The following ZC3H12D variants were observed in gnomAD, a reference collection of about 807,000 sequenced individuals.
ZC3H12D encodes probable ribonuclease ZC3H12D.
Under a neutral mutation model 24.2 loss-of-function variants are expected in ZC3H12D, and 11 were observed. That is an observed-to-expected ratio of 0.46 (90% CI 0.29 to 0.75). The LOEUF is 0.75. Among genes scored for constraint, ZC3H12D ranks in the 30% least tolerant of loss-of-function variants. ZC3H12D has a pLI of 0.11. For missense variants in ZC3H12D, 740 were observed against 767.7 expected (o/e 0.96, Z 0.43); for synonymous variants, 333 against 341.8 (o/e 0.97, Z 0.28).
At chr6:149,459,394 G>A (rs559128177) in intron 3 of ZC3H12D, 1 of 563,304 alleles carries the variant, frequency 1.8e-6, no homozygotes, top group Admixed American at 3.3e-5. Context: ...CATGTTAAAA[G>A]TAGGTTTGGG....
intron 2 of ZC3H12D, among the ~76,000 whole-genome samples, chr6:149,463,569 C>T (rs964453820): frequency 6.6e-6 from 1 of 152,162 alleles, no homozygotes; most frequent in African/African-American, 2.4e-5. Context: ...ATTAGCCAGG[C>T]GTGGTGGCGC....
At position 149,474,631 on chromosome 6, in the gene ZC3H12D, G is replaced by A. The variant is rs1776303183; in HGVS notation, c.-70-18C>T. 1 of 1,250,236 alleles carries A rather than the reference G, an allele frequency of 8.0e-7. No individual in the cohort carries two copies. The highest frequency in any genetic ancestry group is 1.0e-6 in the Non-Finnish European group (1 of 955,330). 77.4% of individuals were successfully genotyped at this position (1,250,236 alleles called of 1,614,324 possible). On this transcript the variant is annotated intron_variant, in intron 1 of 5. Transcript: ENST00000409806. ...GACATGAGCTAAAGAGAAAAAAAATGCATCCATCAGGTGTTTCCTGGGCAG... is the reference window on the plus strand; with the variant it reads ...GACATGAGCTAAAGAGAAAAAAAATACATCCATCAGGTGTTTCCTGGGCAG...
At chr6:149,469,810 G>C (rs1004773500) in intron 2 of ZC3H12D, among the ~76,000 whole-genome samples, 1 of 152,208 alleles carries the variant, frequency 6.6e-6, no homozygotes, top group African/African-American at 2.4e-5. Flanking sequence ...CCTGTGAAGG[G>C]AGTGGGGCCT....
intron 2 of ZC3H12D, among the ~76,000 whole-genome samples, chr6:149,462,343 C>G (rs897212188): frequency 6.6e-6 from 1 of 152,030 alleles, no homozygotes; most frequent in African/African-American, 2.4e-5. Context: ...CACTGCACTC[C>G]GGCCTGGGCA....
intron 3 of ZC3H12D, 112 bp from the exon 4 acceptor site, chr6:149,457,012 G>A (rs1187186924): frequency 7.5e-6 from 8 of 1,061,474 alleles, no homozygotes; most frequent in East Asian, 2.6e-5. Flanking sequence ...GGTTTTGAGG[G>A]GAGCGGGGAA....
intron 1 of ZC3H12D, among the ~76,000 whole-genome samples, chr6:149,475,512 T>C (rs754259971): frequency 1.3e-4 from 20 of 151,874 alleles, no homozygotes; most frequent in Non-Finnish European, 1.9e-4. Flanking sequence ...GGTCAGGAGA[T>C]AGAGACCAGC....
chr6:149,458,946 A>G (rs1299977602), intron 3 of ZC3H12D, among the ~76,000 whole-genome samples: 1 of 152,008 alleles, frequency 6.6e-6, no homozygotes, highest in Admixed American at 6.6e-5. Context: ...CTGTTGATTC[A>G]TTGTCTTTGT....
chr6:149,471,202 C>G (rs180988867), intron 2 of ZC3H12D, among the ~76,000 whole-genome samples: 2 of 152,362 alleles, frequency 1.3e-5, no homozygotes, highest in Non-Finnish European at 2.9e-5. Flanking sequence ...GCCAGGTCTT[C>G]TGGGTTCAGC....
chr6:149,478,071 GC>G (rs1372494319), intron 1 of ZC3H12D, among the ~76,000 whole-genome samples: 1 of 151,242 alleles, frequency 6.6e-6, no homozygotes, highest in African/African-American at 2.4e-5. Flanking sequence ...GGAGGCTGAG[GC>G]AGGAGAATCG....
intron 2 of ZC3H12D, among the ~76,000 whole-genome samples, chr6:149,468,048 C>T (rs1776188445): frequency 6.6e-6 from 1 of 152,180 alleles, no homozygotes; most frequent in Admixed American, 6.5e-5. Flanking sequence ...ATGGCGCAAT[C>T]TCAGCTCACC....
At position 149,456,627 on chromosome 6, in the gene ZC3H12D, C is replaced by CCCCCCCCCCCCCGGTGT; in HGVS notation, c.680+38_680+39insACACCGGGGGGGGGGGG. The CCCCCCCCCCCCCGGTGT allele has an allele frequency of 7.1e-7, 1 of 1,403,090 alleles. No individual in the cohort carries two copies. 86.9% of individuals were successfully genotyped at this position (1,403,090 alleles called of 1,614,324 possible). A position where few individuals can be genotyped will look rare whatever the true frequency, so the allele number is the denominator to read the frequency against. On this transcript the variant is annotated intron_variant, in intron 4 of 5. Coordinates refer to ENST00000409806, the MANE Select transcript of ZC3H12D (RefSeq NM_207360.3). This position sits in a 1 kb window ranked among gnomAD's most constrained non-coding sequence, Gnocchi z 4.3. Reference sequence around the variant, plus strand: ...CTGCCTCGACCCCGGCCCCCCGCCCCGCCGCCCCCCAGGGTGTCAGGACCC... The same window carrying CCCCCCCCCCCCCGGTGT: ...CTGCCTCGACCCCGGCCCCCCGCCCCCCCCCCCCCCCCGGTGTGCCGCCCCCCAGGGTGTCAGGACCC...
At chr6:149,474,192 C>T (rs780668407) in intron 2 of ZC3H12D, 47 bp downstream of exon 2, 25 of 1,419,014 alleles carry the variant, frequency 1.8e-5, no homozygotes, top group Middle Eastern at 2.0e-4. Flanking sequence ...AGGGCTCCTG[C>T]GAACAGGGGC....
At chr6:149,474,822 C>T (rs927501149) in intron 1 of ZC3H12D, among the ~76,000 whole-genome samples, 1 of 152,202 alleles carries the variant, frequency 6.6e-6, no homozygotes, top group African/African-American at 2.4e-5. Flanking sequence ...GGCCTTCACC[C>T]CACACTGCCC....
chr6:149,451,097 G>T lies in ZC3H12D; in HGVS notation c.1170C>A (p.Ser390Arg). The change falls in exon 6 of 6, where the codon AGC becomes AGA. Residue 390 changes from serine to arginine, a missense_variant. Coordinates refer to ENST00000409806, the MANE Select transcript of ZC3H12D (RefSeq NM_207360.3). Reference protein sequence around the residue: ...SAGGRVPGPLSLPSPESQFSP... With the variant: ...SAGGRVPGPLRLPSPESQFSP... Reference sequence around the variant, plus strand: ...AGAACTGGCTCTCCGGGCTAGGGAGGCTGAGCGGGCCTGGCACCCGGCCGC... The same window carrying T: ...AGAACTGGCTCTCCGGGCTAGGGAGTCTGAGCGGGCCTGGCACCCGGCCGC... 1.5e-6 allele frequency: 2 copies of T among 1,374,826 alleles called. No individual in the cohort carries two copies. Among genetic ancestry groups the T allele is most frequent in the Non-Finnish European group, 1.9e-6 (2 of 1,070,110 alleles). 85.2% of individuals were successfully genotyped at this position (1,374,826 alleles called of 1,614,324 possible). A position where few individuals can be genotyped will look rare whatever the true frequency, so the allele number is the denominator to read the frequency against.
chr6:149,476,033 A>G (rs1036291159), intron 1 of ZC3H12D, among the ~76,000 whole-genome samples: 1 of 151,938 alleles, frequency 6.6e-6, no homozygotes, highest in African/African-American at 2.4e-5. Flanking sequence ...TCTCCTACAC[A>G]CCCCAAACCC....
intron 1 of ZC3H12D, among the ~76,000 whole-genome samples, chr6:149,474,900 G>A (rs2789501): frequency 0.18 from 27,901 of 152,180 alleles, 3,685 homozygotes; most frequent in East Asian, 0.71. Flanking sequence ...ACTCGGGACA[G>A]GCCAAACACA....
At chr6:149,471,031 C>G (rs1431092259) in intron 2 of ZC3H12D, among the ~76,000 whole-genome samples, 1 of 152,204 alleles carries the variant, frequency 6.6e-6, no homozygotes, top group African/African-American at 2.4e-5. Flanking sequence ...TTTACCAGGT[C>G]CCCATCTTCC....
At chr6:149,478,335 T>C (rs369880863) in intron 1 of ZC3H12D, among the ~76,000 whole-genome samples, 1 of 152,152 alleles carries the variant, frequency 6.6e-6, no homozygotes, top group African/African-American at 2.4e-5. Context: ...CTGTCTTCTA[T>C]TAACCCAGAC....
intron 1 of ZC3H12D, among the ~76,000 whole-genome samples, chr6:149,478,883 A>G (rs866733757): frequency 1.3e-5 from 2 of 152,150 alleles, no homozygotes; most frequent in Admixed American, 6.5e-5. Context: ...AACAAGTCGG[A>G]TCATGTTCGC....
Sources: gnomAD v4.1 joint callset for allele counts (sites outside exome capture counted in the v4.1 genomes callset) on GRCh38, gnomAD v4.1.1 for gene constraint, Gnocchi (gnomAD v3.1) non-coding constraint, MANE v1.5 for transcripts, NCBI Gene and HGNC (gene_info 2026-07-23, HGNC 2026-07-21) for gene names.